FAM168B: variants seen among roughly 807,000 people sequenced by gnomAD.
The protein encoded by FAM168B is family with sequence similarity 168 member B.
A neutral mutation model predicts 21.8 loss-of-function variants in FAM168B; 19 were observed. The ratio of observed to expected loss-of-function variants is 0.87; its 90% CI spans 0.61 to 1.28. FAM168B has a LOEUF of 1.28. Ranked by LOEUF, FAM168B falls within the 50% of genes most tolerant of loss-of-function variation. FAM168B has a pLI of 0.00. For missense variants in FAM168B, 233 were observed against 263.1 expected (o/e 0.89, Z 0.79); for synonymous variants, 126 against 104.8 (o/e 1.20, Z -1.24).
At chr2:131,072,936 C>G (rs1391988843) in intron 2 of FAM168B, among the ~76,000 whole-genome samples, 1 of 152,198 alleles carries the variant, frequency 6.6e-6, no homozygotes, top group African/African-American at 2.4e-5. Context: ...CCTATTTTTG[C>G]TGCTACCAGT....
At position 131,069,989 on chromosome 2, in the gene FAM168B, G is replaced by T. The variant is rs1186970715; in HGVS notation, c.154+1866C>A. Among the ~76,000 whole-genome samples the T allele has an allele frequency of 2.6e-5, 4 of 151,780 alleles. No individual in the cohort carries two copies. The East Asian group carries it at 7.8e-4, about 30-fold the overall frequency. On this transcript the variant is annotated intron_variant, in intron 3 of 6. Coordinates refer to ENST00000389915, the MANE Select transcript of FAM168B (RefSeq NM_001009993.4). ...TTCTCCTGCCTCAGCCTCCCTAGTA[G>T]CCGGGATTACCGGAGTGCGCCTCCA...
At chr2:131,072,659 A>G (rs924743133) in intron 2 of FAM168B, among the ~76,000 whole-genome samples, 5 of 151,836 alleles carry the variant, frequency 3.3e-5, no homozygotes, top group African/African-American at 1.2e-4. Flanking sequence ...AGGTTTCACC[A>G]TGGTGACCAG....
In FAM168B at chr2:131,050,064, A is replaced by G; in HGVS notation, c.*2401T>C. 1 of 985,484 alleles carries G rather than the reference A, an allele frequency of 1.0e-6. No individual in the cohort carries two copies. The allele number at this position is 985,484 out of a possible 1,614,324, so 61.0% of individuals were successfully genotyped here. On this transcript the variant is annotated 3_prime_UTR_variant, in exon 7 of 7. Coordinates refer to ENST00000389915, the MANE Select transcript of FAM168B (RefSeq NM_001009993.4). ...TTTCATAAAGCCTCTCAACTTCATA[A>G]AAGGGAAAAAAGGTTAAGTTACAGG...
intron 3 of FAM168B, among the ~76,000 whole-genome samples, chr2:131,063,601 G>C (rs930857235): frequency 6.6e-6 from 1 of 152,080 alleles, no homozygotes; most frequent in African/African-American, 2.4e-5. Context: ...GCAGCATAGC[G>C]AGACCTTGTC....
At chr2:131,054,944 A>G (rs1691925684) in intron 5 of FAM168B, among the ~76,000 whole-genome samples, 1 of 152,166 alleles carries the variant, frequency 6.6e-6, no homozygotes, top group South Asian at 2.1e-4. Flanking sequence ...AGAAGGCCAG[A>G]GCAACCCCGG....
In FAM168B at chr2:131,049,964, T is replaced by A; in HGVS notation, c.*2501A>T. The A allele has an allele frequency of 4.1e-6, 4 of 985,514 alleles. No individual in the cohort carries two copies. Among genetic ancestry groups the A allele is most frequent in the Non-Finnish European group, 4.8e-6 (4 of 829,944 alleles). The allele number at this position is 985,514 out of a possible 1,614,324, so 61.0% of individuals were successfully genotyped here. A position where few individuals can be genotyped will look rare whatever the true frequency, so the allele number is the denominator to read the frequency against. ...CCAGATTCTTACCTGATATCTACCTTTCGTATCTGACAGCTGACGTCCTAA... is the reference window on the plus strand; with the variant it reads ...CCAGATTCTTACCTGATATCTACCTATCGTATCTGACAGCTGACGTCCTAA... On this transcript the variant is annotated 3_prime_UTR_variant, in exon 7 of 7. Coordinates refer to ENST00000389915, the MANE Select transcript of FAM168B (RefSeq NM_001009993.4).
chr2:131,074,073 A>T (rs1459361389), intron 2 of FAM168B, among the ~76,000 whole-genome samples: 1 of 152,094 alleles, frequency 6.6e-6, no homozygotes, highest in African/African-American at 2.4e-5. Context: ...CTTTGGGCTG[A>T]CCCCTCTGGC....
rs1002944008 is a variant in FAM168B at position 131,086,861 on chromosome 2, C to T, written c.-11-4204G>A. On this transcript the variant is annotated intron_variant, in intron 1 of 6. Transcript: ENST00000389915. ...CGGGCGGATCACGAGGTCAGGAGAT[C>T]GAGACCATCCTGGCTAACACGGTGA... 4.2e-5 allele frequency among the ~76,000 whole-genome samples: 4 copies of T among 95,572 alleles called. 1 individual carries two copies. The highest frequency in any genetic ancestry group is 1.8e-4 in the Admixed American group (2 of 11,118). 62.7% of individuals were successfully genotyped at this position (95,572 alleles called of 152,430 possible). A position where few individuals can be genotyped will look rare whatever the true frequency, so the allele number is the denominator to read the frequency against.
intron 3 of FAM168B, among the ~76,000 whole-genome samples, chr2:131,071,290 C>T (rs1692858509): frequency 6.6e-6 from 1 of 152,104 alleles, no homozygotes; most frequent in Non-Finnish European, 1.5e-5. Context: ...AGGCAAAGCC[C>T]CGTGTGGGTG....
chr2:131,092,791 TCA>T (rs1694099710), intron 1 of FAM168B, among the ~76,000 whole-genome samples: 1 of 151,928 alleles, frequency 6.6e-6, no homozygotes, highest in Non-Finnish European at 1.5e-5. Flanking sequence ...AGGAGAACGC[TCA>T]GATTCCGCCA....
chr2:131,071,983 C>A (rs927643384), intron 2 of FAM168B, 45 bp from the exon 3 acceptor site: 4 of 1,501,002 alleles, frequency 2.7e-6, no homozygotes, highest in South Asian at 1.1e-5. Context: ...ACTGAAGTAG[C>A]GACAATCACT....
chr2:131,050,131 G>C lies in FAM168B; in HGVS notation c.*2334C>G, dbSNP rs1691565917. On this transcript the variant is annotated 3_prime_UTR_variant, in exon 7 of 7. Transcript: ENST00000389915. ...TATGAAGCTGATGTAAATGGCGTGT[G>C]GGGGGTGCAGCCCACTCTTTAAAAC... 4.1e-6 allele frequency: 4 copies of C among 984,944 alleles called. No individual in the cohort carries two copies. In the South Asian group the frequency reaches 1.4e-4, roughly 35 times the overall value. 61.0% of individuals were successfully genotyped at this position (984,944 alleles called of 1,614,324 possible).
chr2:131,055,702 C>A lies in FAM168B; in HGVS notation c.155-7G>T. On this transcript the variant is annotated splice_polypyrimidine_tract_variant and splice_region_variant and intron_variant, in intron 3 of 6. Transcript: ENST00000389915. The stretch of plus-strand genomic sequence containing the variant: ...GGTGTGCCAGGAGTGTAACCTGGAA[C>A]AAAGAAGGCAATGGCCTGAGTTCAC... 6.2e-7 allele frequency: 1 copy of A among 1,613,046 alleles called. No homozygotes were observed.
Position 131,089,743 on chromosome 2 carries a change from G to A in FAM168B, c.-12+3471C>T, listed in dbSNP as rs1334652771. Among the ~76,000 whole-genome samples the A allele has an allele frequency of 4.7e-5, 7 of 149,888 alleles. No homozygotes were observed. The East Asian group carries it at 1.4e-3, about 30-fold the overall frequency. The stretch of plus-strand genomic sequence containing the variant: ...AAAAAAAAAAAAAAGAAAGAAAAAA[G>A]AAAGACCTGGCTGGGCATGGTGGCT... On this transcript the variant is annotated intron_variant, in intron 1 of 6. Coordinates refer to ENST00000389915, the MANE Select transcript of FAM168B (RefSeq NM_001009993.4).
chr2:131,087,063 C>CAAAAAAAAAAAAAAAAA (rs70994735), intron 1 of FAM168B, among the ~76,000 whole-genome samples: 1 of 40,672 alleles, frequency 2.5e-5, no homozygotes, highest in African/African-American at 2.7e-4. Context: ...GACTCCGTCT[C>CAAAAAAAAAAAAAAAAA]AAAAAAAAAA....
rs1211538519 is a variant in FAM168B, at chr2:131,086,926, G to A, written c.-11-4269C>T. On this transcript the variant is annotated intron_variant, in intron 1 of 6. Transcript: ENST00000389915. ...TAAAAATACAAAAAATTAGCCGGGC[G>A]AGGTGGCGGGCGCCTGTAGTCCCAG... 5.4e-5 allele frequency among the ~76,000 whole-genome samples: 7 copies of A among 129,810 alleles called. 1 individual carries two copies. The highest frequency in any genetic ancestry group is 7.2e-5 in the Admixed American group (1 of 13,926). The allele number at this position is 129,810 out of a possible 152,430, so 85.2% of individuals were successfully genotyped here.
Position 131,048,196 on chromosome 2 carries a change from C to T in FAM168B, c.*4269G>A, listed in dbSNP as rs1400387728. ...CATTTTTAAAAAAACAAAAAGGAAC[C>T]GTTTCTTCTTTAGTTACAATCCATG... On this transcript the variant is annotated 3_prime_UTR_variant, in exon 7 of 7. Transcript: ENST00000389915. 2.7e-5 allele frequency: 34 copies of T among 1,254,506 alleles called. No homozygotes were observed. The highest frequency in any genetic ancestry group is 3.4e-5 in the Non-Finnish European group (33 of 961,202). 77.7% of individuals were successfully genotyped at this position (1,254,506 alleles called of 1,614,324 possible).
At chr2:131,069,091 A>G (rs1008752732) in intron 3 of FAM168B, among the ~76,000 whole-genome samples, 4 of 152,270 alleles carry the variant, frequency 2.6e-5, no homozygotes, top group African/African-American at 9.6e-5. Context: ...AGGTGTCAGC[A>G]GCACTCAGTC....
chr2:131,083,680 T>C (rs184106681), intron 1 of FAM168B, among the ~76,000 whole-genome samples: 2 of 152,338 alleles, frequency 1.3e-5, no homozygotes, highest in East Asian at 3.9e-4. Context: ...AATAATACAA[T>C]GTTAAGTGAA....
Sources: gnomAD v4.1 joint callset for allele counts (sites outside exome capture counted in the v4.1 genomes callset) on GRCh38, gnomAD v4.1.1 for gene constraint, MANE v1.5 for transcripts, NCBI Gene and HGNC (gene_info 2026-07-23, HGNC 2026-07-21) for gene names.